Variants in ZNF177 observed in about 807,000 individuals in gnomAD.
ZNF177 encodes the protein zinc finger protein 177.
Under a neutral mutation model 19.4 loss-of-function variants are expected in ZNF177, and 17 were observed. The observed-to-expected ratio is 0.87, with a 90% CI of 0.60 to 1.31. ZNF177 has a LOEUF of 1.31. ZNF177 is among the 40% of genes most tolerant of loss of function. ZNF177 has a pLI of 0.00. For missense variants in ZNF177, 633 were observed against 561.8 expected (o/e 1.13, Z -1.28); for synonymous variants, 220 against 188.7 (o/e 1.17, Z -1.36).
chr19:9,380,252 C>G (rs1355089434), intron 5 of ZNF177, 113 bp downstream of exon 7: 8 of 1,263,524 alleles, frequency 6.3e-6, no homozygotes, highest in Middle Eastern at 1.9e-4. Flanking sequence ...CAGGCTTTCA[C>G]CAGAAAGCTG....
chr19:9,376,945 A>G (rs560249460), intron 1 of ZNF177, among the ~76,000 whole-genome samples: 5 of 152,130 alleles, frequency 3.3e-5, no homozygotes, highest in Non-Finnish European at 7.4e-5. Context: ...TTTCCTATAA[A>G]TCAGCTCCAT....
chr19:9,379,565 G>A (rs1296375527), exon 4 of ZNF177: 4 of 1,613,928 alleles, frequency 2.5e-6, no homozygotes, highest in Non-Finnish European at 8.5e-7. Context: ...CTCCAAGGTG[G>A]ATCAAGAACA....
intron 2 of ZNF177, 74 bp downstream of exon 2, chr19:9,365,022 A>T (rs113362869): frequency 6.6e-6 from 1 of 152,196 alleles, no homozygotes; most frequent in African/African-American, 2.4e-5. Flanking sequence ...GCTTGTCTGT[A>T]ATATGGAGCT....
chr19:9,379,921 ACTGGTTGTGTC>A, intron 4 of ZNF177, 125 bp from the exon 7 acceptor site: 1 of 1,057,568 alleles, frequency 9.5e-7, no homozygotes. Flanking sequence ...CTGGTGAATC[ACTGGTTGTGTC>A]TTCTTTCTTA....
rs562018325 is a variant in ZNF177, at chr19:9,363,691, C to T, written c.-392+607C>T. Among the ~76,000 whole-genome samples, 8 of 152,258 alleles carry T rather than the reference C, an allele frequency of 5.3e-5. No individual in the cohort carries two copies. In the East Asian group the frequency reaches 1.5e-3, roughly 29 times the overall value. On this transcript the variant is annotated intron_variant, in intron 1 of 8. Transcript: ENST00000343499. ...TATGGGACTTGTGCTTTTTTGAGCC[C>T]TCAGGGTGTGTTTTGTATGCAGCAA...
At chr19:9,379,928 G>A in intron 4 of ZNF177, 129 bp from the exon 7 acceptor site, 1 of 1,103,442 alleles carries the variant, frequency 9.1e-7, no homozygotes, top group Non-Finnish European at 1.3e-6. Context: ...ATCACTGGTT[G>A]TGTCTTCTTT....
chr19:9,380,855 C>G (rs1175320994), exon 6 of ZNF177: 2 of 1,536,120 alleles, frequency 1.3e-6, no homozygotes, highest in South Asian at 2.4e-5. Context: ...GGAGAGAAAA[C>G]TCTTGAATTT....
chr19:9,368,495 T>C (rs1568380681), intron 2 of ZNF177, among the ~76,000 whole-genome samples: 1 of 152,314 alleles, frequency 6.6e-6, no homozygotes, highest in Non-Finnish European at 1.5e-5. Context: ...CCGATTTTTT[T>C]CCTAGTAGTT....
Position 9,378,210 on chromosome 19 carries a change from T to G in ZNF177, c.-53-49T>G, listed in dbSNP as rs1434688218. 11 of 1,523,114 alleles carry G rather than the reference T, an allele frequency of 7.2e-6. No homozygotes were observed. In the African/African-American group the frequency reaches 1.4e-4, roughly 20 times the overall value. The allele number at this position is 1,523,114 out of a possible 1,614,324, so 94.3% of individuals were successfully genotyped here. ...AAGAAGCTTCCCAGCCTGCTAGTGTTGAACATCTAGCAGGCCTAGACTCTA... is the reference window on the plus strand; with the variant it reads ...AAGAAGCTTCCCAGCCTGCTAGTGTGGAACATCTAGCAGGCCTAGACTCTA... On this transcript the variant is annotated intron_variant, in intron 1 of 5. Coordinates refer to ENST00000589262, the Ensembl canonical transcript of ZNF177.
upstream of ZNF177, among the ~76,000 whole-genome samples, chr19:9,375,992 A>C (rs1467801343): frequency 6.6e-6 from 1 of 152,110 alleles, no homozygotes; most frequent in Non-Finnish European, 1.5e-5. Flanking sequence ...GTTTCCATTT[A>C]CGTGGAATGT....
chr19:9,370,258 A>G (rs2122505587), intron 2 of ZNF177, among the ~76,000 whole-genome samples: 1 of 152,220 alleles, frequency 6.6e-6, no homozygotes, highest in South Asian at 2.1e-4. Flanking sequence ...TTCCACAGTC[A>G]CAAATTCCTT....
intron 1 of ZNF177, among the ~76,000 whole-genome samples, chr19:9,364,374 A>G (rs560741715): frequency 3.1e-4 from 47 of 152,290 alleles, no homozygotes; most frequent in African/African-American, 1.1e-3. Context: ...GCTAGCAGAG[A>G]ATTCATTAGA....
chr19:9,378,152 C>T, intron 1 of ZNF177, 107 bp from the exon 4 acceptor site: 1 of 980,924 alleles, frequency 1.0e-6, no homozygotes. Context: ...ATTGTAACTA[C>T]ACTCTATGTG....
intron 2 of ZNF177, among the ~76,000 whole-genome samples, chr19:9,370,206 T>C (rs1378266473): frequency 1.3e-5 from 2 of 152,146 alleles, no homozygotes; most frequent in Non-Finnish European, 2.9e-5. Flanking sequence ...GTCTCTCATA[T>C]CCATGGGGGA....
At chr19:9,365,911 A>G (rs1321659855) in intron 2 of ZNF177, among the ~76,000 whole-genome samples, 2 of 152,116 alleles carry the variant, frequency 1.3e-5, no homozygotes, top group African/African-American at 4.8e-5. Flanking sequence ...CGGTCTGAGG[A>G]CCTGAGGTCA....
Position 9,381,045 on chromosome 19 carries a change from C to CA in ZNF177, c.718dup (p.Ile240AsnfsTer5), listed in dbSNP as rs747990414. The stretch of plus-strand genomic sequence containing the variant: ...AAGGTGATGAATGCAGTGACTATGG[C>CA]AAAATATCTCCCCTTAGTGTCCACA... On this transcript the variant is annotated frameshift_variant, in exon 6 of 6. Coordinates refer to ENST00000589262, the Ensembl canonical transcript of ZNF177. LOFTEE classifies it low-confidence loss of function (END_TRUNC). 1 of 1,603,538 alleles carries CA rather than the reference C, an allele frequency of 6.2e-7. No individual in the cohort carries two copies. The highest frequency in any genetic ancestry group is 8.5e-7 in the Non-Finnish European group (1 of 1,179,450).
chr19:9,367,169 A>G (rs2067991095), intron 2 of ZNF177, among the ~76,000 whole-genome samples: 1 of 152,032 alleles, frequency 6.6e-6, no homozygotes, highest in Non-Finnish European at 1.5e-5. Context: ...AAATACAAAA[A>G]CATAGCTGGG....
At position 9,381,494 on chromosome 19, in the gene ZNF177, GCT is replaced by G. The variant is rs754465998; in HGVS notation, c.1167_1168del (p.Thr391TrpfsTer6). Reference sequence around the variant, plus strand: ...CAGTCATCCCTTAAGAAACACACACGCTCTCACACTGGAGAGAAGCCTTATGA... The same window carrying G: ...CAGTCATCCCTTAAGAAACACACACGCTCACACTGGAGAGAAGCCTTATGA... On this transcript the variant is annotated frameshift_variant, in exon 6 of 6. Coordinates refer to ENST00000589262, the Ensembl canonical transcript of ZNF177. LOFTEE classifies it low-confidence loss of function (END_TRUNC). 6.2e-7 allele frequency: 1 copy of G among 1,611,862 alleles called. No homozygotes were observed.
intron 2 of ZNF177, among the ~76,000 whole-genome samples, chr19:9,369,189 T>G (rs2068017091): frequency 6.6e-6 from 1 of 152,144 alleles, no homozygotes; most frequent in Admixed American, 6.5e-5. Flanking sequence ...CATTGTGTTG[T>G]TCAAATCTTC....
Sources: allele counts gnomAD v4.1 joint callset (sites outside exome capture counted in the v4.1 genomes callset), GRCh38; gene constraint gnomAD v4.1.1; transcripts MANE v1.5; gene names NCBI Gene and HGNC (gene_info 2026-07-23, HGNC 2026-07-21).